The following ZNF503 variants were observed in gnomAD, a reference collection of about 807,000 sequenced individuals.
The protein encoded by ZNF503 is NocA-like zinc finger 2.
In ZNF503, 15 loss-of-function variants were observed where a neutral mutation model predicts 34.4. The ratio of observed to expected loss-of-function variants is 0.44; its 90% CI spans 0.29 to 0.67. The LOEUF (loss-of-function observed/expected upper bound fraction) is 0.67, where lower values mean the gene tolerates loss of function less well. Ranked by LOEUF, ZNF503 falls within the 30% of genes least tolerant of loss-of-function variation. The pLI, the probability that ZNF503 is intolerant of heterozygous loss-of-function variation, is 0.13. For missense variants in ZNF503, 1,007 were observed against 926.8 expected (o/e 1.09, Z -1.12); for synonymous variants, 580 against 456.8 (o/e 1.27, Z -3.44).
At chr10:75,392,762 G>T in the ZNF503 span, among the ~76,000 whole-genome samples, 11,845 of 152,238 alleles carry the variant, frequency 0.078, 1,516 homozygotes, top group African/African-American at 0.27. Flanking sequence ...GAGCAAGAAG[G>T]CTGGTCAAAA....
chr10:75,382,895 G>A, the ZNF503 span: 1 of 247,420 alleles, frequency 4.0e-6, no homozygotes. Flanking sequence ...GGGAGCTGGT[G>A]CCGCTGGTCC....
the ZNF503 span, among the ~76,000 whole-genome samples, chr10:75,309,529 T>C: frequency 6.6e-6 from 1 of 152,206 alleles, no homozygotes; most frequent in African/African-American, 2.4e-5. Flanking sequence ...TGATGATTCA[T>C]TGAAGGCTCA....
chr10:75,331,412 A>G, the ZNF503 span, among the ~76,000 whole-genome samples: 3 of 152,312 alleles, frequency 2.0e-5, no homozygotes, highest in South Asian at 2.1e-4. Context: ...GAAGTCCCCA[A>G]CTATTTTGTA....
At chr10:75,284,384 G>A in the ZNF503 span, among the ~76,000 whole-genome samples, 2 of 147,764 alleles carry the variant, frequency 1.4e-5, no homozygotes, top group Admixed American at 6.8e-5. Context: ...GGGAGGGGGC[G>A]TTGGTGGGGA....
chr10:75,295,252 C>CGCCCCCTCATGG, the ZNF503 span, among the ~76,000 whole-genome samples: 1 of 151,748 alleles, frequency 6.6e-6, no homozygotes, highest in South Asian at 2.1e-4. This position sits in a 1 kb window ranked among gnomAD's most constrained non-coding sequence, Gnocchi z 4.0. Flanking sequence ...GGCAGGGGCG[C>CGCCCCCTCATGG]GCCCCCTCAT....
chr10:75,294,964 C>A, the ZNF503 span, among the ~76,000 whole-genome samples: 1 of 152,178 alleles, frequency 6.6e-6, no homozygotes, highest in Admixed American at 6.5e-5. Flanking sequence ...GTCAGCACCG[C>A]GGACCCAGCT....
At chr10:75,293,306 C>T in the ZNF503 span, among the ~76,000 whole-genome samples, 6 of 152,118 alleles carry the variant, frequency 3.9e-5, no homozygotes, top group East Asian at 9.6e-4. Flanking sequence ...GGTCATAGGA[C>T]ATCAGAGGAG....
At chr10:75,370,846 G>A in the ZNF503 span, among the ~76,000 whole-genome samples, 4 of 143,912 alleles carry the variant, frequency 2.8e-5, no homozygotes, top group African/African-American at 1.0e-4. Flanking sequence ...GAGATACATT[G>A]GAACTATTAA....
At chr10:75,316,078 T>C in the ZNF503 span, among the ~76,000 whole-genome samples, 3 of 152,064 alleles carry the variant, frequency 2.0e-5, no homozygotes, top group Non-Finnish European at 4.4e-5. Context: ...TATAAGCAAA[T>C]ATTAACAGAT....
the ZNF503 span, among the ~76,000 whole-genome samples, chr10:75,297,137 G>C: frequency 6.6e-6 from 1 of 152,046 alleles, no homozygotes; most frequent in Non-Finnish European, 1.5e-5. Context: ...GTTTATTTCT[G>C]TCTATCCTAC....
the ZNF503 span, among the ~76,000 whole-genome samples, chr10:75,334,142 CG>C: frequency 1.4e-5 from 2 of 147,872 alleles, no homozygotes; most frequent in East Asian, 4.2e-4. Flanking sequence ...GGGTGGCGGC[CG>C]GGCAGAGGCT....
At chr10:75,337,087 G>A in the ZNF503 span, among the ~76,000 whole-genome samples, 1 of 152,126 alleles carries the variant, frequency 6.6e-6, no homozygotes, top group Admixed American at 6.5e-5. Context: ...ACTTTGGGAG[G>A]CCAAGACAGG....
chr10:75,295,483 TC>T, the ZNF503 span: 3 of 152,228 alleles, frequency 2.0e-5, no homozygotes, highest in Admixed American at 2.0e-4. The surrounding 1 kb of genome is among the most constrained non-coding windows in gnomAD (Gnocchi z 4.0). Flanking sequence ...TTAATCGTTT[TC>T]TTCTGATCTA....
At chr10:75,385,554 A>G in the ZNF503 span, among the ~76,000 whole-genome samples, 1 of 152,192 alleles carries the variant, frequency 6.6e-6, no homozygotes, top group Admixed American at 6.5e-5. Context: ...GCTGTTGGCC[A>G]GAACACTCCC....
chr10:75,387,420 G>T, the ZNF503 span, among the ~76,000 whole-genome samples: 1 of 152,186 alleles, frequency 6.6e-6, no homozygotes, highest in African/African-American at 2.4e-5. Flanking sequence ...GTAACATGAG[G>T]TTACTGTAGC....
chr10:75,375,548 G>A, the ZNF503 span, among the ~76,000 whole-genome samples: 1 of 152,040 alleles, frequency 6.6e-6, no homozygotes, highest in African/African-American at 2.4e-5. Context: ...ACAGAGTCTT[G>A]CTCTGTCCCC....
rs780135486 is a variant in ZNF503 at position 75,399,700 on chromosome 10, T to G, written c.990A>C (p.Ser330=). The change falls in exon 2 of 2, where the codon TCA becomes TCC. Residue 330 remains serine, a synonymous_variant. Transcript: ENST00000372524. ...GAGCCACCAGCCCAGAGCCCAACAC[T>G]GAGGAGGAGGTGGGCGCGCTGGGGC... The part of the protein sequence containing the change: ...GSGPSAPTSS[S]VLGSGLVAPV... The G allele has an allele frequency of 2.5e-6, 4 of 1,599,952 alleles. No individual in the cohort carries two copies. Among genetic ancestry groups the G allele is most frequent in the South Asian group, 1.1e-5 (1 of 90,756 alleles).
the ZNF503 span, among the ~76,000 whole-genome samples, chr10:75,380,666 C>T: frequency 2.6e-5 from 4 of 152,174 alleles, no homozygotes; most frequent in African/African-American, 9.7e-5. Flanking sequence ...AAACTGCTTC[C>T]TCGAGATTCC....
chr10:75,400,208 G>C lies in ZNF503; in HGVS notation c.482C>G (p.Pro161Arg), dbSNP rs1281953752. The part of the protein sequence containing the change: ...AAGDKDTKSG[P>R]LKLSDIGVED... ...CACGCCGATGTCGCTCAGCTTCAGG[G>C]GGCCCGATTTGGTGTCCTTGTCGCC... Residue 161 changes from proline (P) to arginine (R), a missense_variant, in exon 2 of 2, where the codon CCC becomes CGC. Pro to Arg is a moderately radical substitution (Grantham distance 103). Coordinates refer to ENST00000372524, the MANE Select transcript of ZNF503 (RefSeq NM_032772.6). The C allele has an allele frequency of 1.9e-6, 3 of 1,603,086 alleles. No individual in the cohort carries two copies. Among genetic ancestry groups the C allele is most frequent in the Non-Finnish European group, 2.6e-6 (3 of 1,176,108 alleles).
Sources: allele counts gnomAD v4.1 joint callset (sites outside exome capture counted in the v4.1 genomes callset), GRCh38; gene constraint gnomAD v4.1.1; non-coding constraint Gnocchi (gnomAD v3.1); transcripts MANE v1.5; gene names NCBI Gene and HGNC (gene_info 2026-07-23, HGNC 2026-07-21).